Variants in SNRPD3 observed in about 807,000 individuals in gnomAD.
SNRPD3 encodes small nuclear ribonucleoprotein D3 polypeptide.
For missense variants in SNRPD3, 73 were observed against 167.5 expected, an observed-to-expected ratio of 0.44 and a Z score of 3.11; for synonymous variants, 66 against 58.4, an observed-to-expected ratio of 1.13 and a Z score of -0.59.
At position 24,572,828 on chromosome 22, in the gene SNRPD3, A is replaced by G. The variant is rs2045261589; in HGVS notation, c.*851A>G. The G allele has an allele frequency of 1.3e-5, 2 of 152,322 alleles. No individual in the cohort carries two copies. Among genetic ancestry groups the G allele is most frequent in the Admixed American group, 1.3e-4 (2 of 15,282 alleles). 9.4% of individuals were successfully genotyped at this position (152,322 alleles called of 1,614,324 possible). A position where few individuals can be genotyped will look rare whatever the true frequency, so the allele number is the denominator to read the frequency against. On this transcript the variant is annotated 3_prime_UTR_variant, in exon 4 of 4. Coordinates refer to ENST00000215829, the MANE Select transcript of SNRPD3 (RefSeq NM_004175.5). ...CTTGGCTCGTATACTGGCTACAACA[A>G]GTAGTTTTGTGGTGATTTGTGGAAA...
At chr22:24,561,449 T>A (rs573877696) in intron 2 of SNRPD3, among the ~76,000 whole-genome samples, 1 of 152,282 alleles carries the variant, frequency 6.6e-6, no homozygotes, top group South Asian at 2.1e-4. Flanking sequence ...TGAATTTTTT[T>A]GAGGGATACA....
upstream of SNRPD3, chr22:24,555,904 G>A: frequency 6.9e-7 from 1 of 1,440,934 alleles, no homozygotes; most frequent in Non-Finnish European, 9.4e-7. Context: ...GGAGGAAGCG[G>A]AGGCGAGACC....
intron 2 of SNRPD3, among the ~76,000 whole-genome samples, chr22:24,567,392 GT>G (rs1367613020): frequency 1.3e-5 from 2 of 152,214 alleles, no homozygotes; most frequent in African/African-American, 2.4e-5. Flanking sequence ...CGAATCTGGA[GT>G]TCCCTGCATT....
chr22:24,566,756 G>A (rs2045200445), intron 2 of SNRPD3, among the ~76,000 whole-genome samples: 1 of 152,200 alleles, frequency 6.6e-6, no homozygotes, highest in African/African-American at 2.4e-5. Flanking sequence ...ACAATAAGCT[G>A]CTTTTTCTGT....
At chr22:24,564,884 A>ATT (rs1208151174) in intron 2 of SNRPD3, among the ~76,000 whole-genome samples, 18 of 143,752 alleles carry the variant, frequency 1.3e-4, no homozygotes, top group East Asian at 1.0e-3. Context: ...TGCCTTGTTC[A>ATT]TTTTTTTTTT....
In SNRPD3 at chr22:24,568,522, A is replaced by G. The variant is rs1024970720; in HGVS notation, c.319+346A>G. On this transcript the variant is annotated intron_variant, in intron 3 of 3. Coordinates refer to ENST00000215829, the MANE Select transcript of SNRPD3 (RefSeq NM_004175.5). The stretch of plus-strand genomic sequence containing the variant: ...TGCCTAGCTAATTTTTTTATTTTTA[A>G]TTTATTTTTATTTTTATTTTATTTT... 3.8e-4 allele frequency among the ~76,000 whole-genome samples: 56 copies of G among 148,282 alleles called. 1 individual carries two copies. The highest frequency in any genetic ancestry group is 1.3e-3 in the African/African-American group (54 of 40,424).
At position 24,573,887 on chromosome 22, in the gene SNRPD3, A is replaced by G. The variant is rs1345092515; in HGVS notation, c.*1910A>G. Among the ~76,000 whole-genome samples, 1 of 152,206 alleles carries G rather than the reference A, an allele frequency of 6.6e-6. No homozygotes were observed. Among genetic ancestry groups the G allele is most frequent in the Non-Finnish European group, 1.5e-5 (1 of 68,038 alleles). On this transcript the variant is annotated 3_prime_UTR_variant, in exon 4 of 4. Coordinates refer to ENST00000215829, the MANE Select transcript of SNRPD3 (RefSeq NM_004175.5). ...CAGTGAGACCCTGTCTCTTAAATAA[A>G]AAACAAATGAAAGCAGTGGTTTTCA... is the stretch of plus-strand genomic sequence containing the variant.
Position 24,574,064 on chromosome 22 carries a change from CTG to C in SNRPD3, c.*2089_*2090del, listed in dbSNP as rs1336180028. ...GTAGACCTAAAGCCGTATTTTGACC[CTG>C]TACTAGTATGTTATTTTAGTATAAT... On this transcript the variant is annotated 3_prime_UTR_variant, in exon 4 of 4. Coordinates refer to ENST00000215829, the MANE Select transcript of SNRPD3 (RefSeq NM_004175.5). Among the ~76,000 whole-genome samples, 5 of 152,222 alleles carry C rather than the reference CTG, an allele frequency of 3.3e-5. No homozygotes were observed. Among genetic ancestry groups the C allele is most frequent in the African/African-American group, 1.2e-4 (5 of 41,460 alleles).
chr22:24,566,980 C>T (rs1329061094), intron 2 of SNRPD3, among the ~76,000 whole-genome samples: 1 of 152,244 alleles, frequency 6.6e-6, no homozygotes, highest in Admixed American at 6.5e-5. Flanking sequence ...CGTCCAGTGT[C>T]ATTATTCGAC....
chr22:24,557,546 G>A lies in SNRPD3; in HGVS notation c.-18-111G>A, dbSNP rs2147116463. 3 of 697,252 alleles carry A rather than the reference G, an allele frequency of 4.3e-6. No individual in the cohort carries two copies. The Middle Eastern group carries it at 7.4e-4, about 172-fold the overall frequency. 43.2% of individuals were successfully genotyped at this position (697,252 alleles called of 1,614,324 possible). A position where few individuals can be genotyped will look rare whatever the true frequency, so the allele number is the denominator to read the frequency against. The stretch of plus-strand genomic sequence containing the variant: ...TTTCCTTGGTAGAAAATGCAGCTTT[G>A]GTGTTTTTGCTAAGTTTTATGGAGT... On this transcript the variant is annotated intron_variant, in intron 1 of 3. Transcript: ENST00000215829.
rs1433499607 is a variant in SNRPD3, at chr22:24,572,102, TTAAGC to T, written c.*129_*133del. The T allele has an allele frequency of 3.9e-6, 6 of 1,525,188 alleles. No individual in the cohort carries two copies. Among genetic ancestry groups the T allele is most frequent in the Middle Eastern group, 1.7e-4 (1 of 5,966 alleles). 94.5% of individuals were successfully genotyped at this position (1,525,188 alleles called of 1,614,324 possible). ...TTTCTCTTTAGATCAGGGGAAATGT[TTAAGC>T]TAAATAAATCTGGGGGGTTTTTTGT... On this transcript the variant is annotated 3_prime_UTR_variant, in exon 4 of 4. Coordinates refer to ENST00000215829, the MANE Select transcript of SNRPD3 (RefSeq NM_004175.5).
At chr22:24,570,792 C>T (rs2045242422) in intron 3 of SNRPD3, among the ~76,000 whole-genome samples, 1 of 146,966 alleles carries the variant, frequency 6.8e-6, no homozygotes, top group African/African-American at 2.5e-5. Flanking sequence ...AGTGTGTTTT[C>T]TTTTTGCTAC....
intron 2 of SNRPD3, among the ~76,000 whole-genome samples, chr22:24,558,743 C>T (rs974776001): frequency 2.0e-5 from 3 of 152,150 alleles, no homozygotes; most frequent in South Asian, 2.1e-4. Flanking sequence ...TAGACTACAG[C>T]GTAGTTTTGA....
intron 3 of SNRPD3, among the ~76,000 whole-genome samples, chr22:24,571,462 G>A (rs1040936144): frequency 9.2e-5 from 14 of 152,148 alleles, no homozygotes; most frequent in Non-Finnish European, 1.8e-4. Context: ...CTGTCAGCTG[G>A]ACGTGTTGGC....
intron 2 of SNRPD3, among the ~76,000 whole-genome samples, chr22:24,559,597 C>T (rs976277608): frequency 3.9e-5 from 6 of 152,144 alleles, no homozygotes; most frequent in Non-Finnish European, 7.3e-5. Context: ...ACCTTGGTGT[C>T]CGACAGACCT....
At chr22:24,568,987 G>T (rs868461536) in intron 3 of SNRPD3, among the ~76,000 whole-genome samples, 3 of 152,226 alleles carry the variant, frequency 2.0e-5, no homozygotes, top group Non-Finnish European at 2.9e-5. Context: ...GGGATTACCA[G>T]TGTGAGCCAC....
chr22:24,556,121 G>C (rs1357719585), intron 1 of SNRPD3, 50 bp downstream of exon 1: 8 of 539,944 alleles, frequency 1.5e-5, no homozygotes, highest in Non-Finnish European at 2.7e-5. Context: ...TGAGGGGCCA[G>C]GGGCTGGAGA....
intron 2 of SNRPD3, among the ~76,000 whole-genome samples, chr22:24,563,207 T>C (rs2045161680): frequency 1.2e-5 from 1 of 81,030 alleles, no homozygotes; most frequent in South Asian, 3.9e-4. Context: ...GTCTCATATA[T>C]GTGTGTGTGT....
At chr22:24,570,767 A>C (rs1015519688) in intron 3 of SNRPD3, among the ~76,000 whole-genome samples, 1 of 151,662 alleles carries the variant, frequency 6.6e-6, no homozygotes, top group Admixed American at 6.6e-5. Flanking sequence ...CAGTCTTATC[A>C]TGCTATTTAT....
Sources: allele counts gnomAD v4.1 joint callset (sites outside exome capture counted in the v4.1 genomes callset), GRCh38; gene constraint gnomAD v4.1.1; transcripts MANE v1.5; gene names NCBI Gene and HGNC (gene_info 2026-07-23, HGNC 2026-07-21).